The following RCL1 variants were observed in gnomAD, a reference collection of about 807,000 sequenced individuals.
RCL1 encodes the protein RNA terminal phosphate cyclase like 1.
In RCL1, 24 loss-of-function variants were observed where a neutral mutation model predicts 42.4. That is an observed-to-expected ratio of 0.57 (90% CI 0.41 to 0.80). RCL1 has a LOEUF of 0.80. RCL1 is among the 30% of genes least tolerant of loss of function. The pLI, the probability that RCL1 is intolerant of heterozygous loss-of-function variation, is 0.00. For synonymous variants in RCL1, 228 were observed against 177.3 expected (o/e 1.29, Z -2.27); for missense variants, 578 against 467.9 (o/e 1.24, Z -2.17).
intron 1 of RCL1, among the ~76,000 whole-genome samples, chr9:4,796,426 C>T (rs939890234): frequency 3.9e-5 from 6 of 152,168 alleles, no homozygotes; most frequent in Non-Finnish European, 8.8e-5. Context: ...TTTTTTGAGA[C>T]AGAGTCTCAC....
intron 2 of RCL1, among the ~76,000 whole-genome samples, chr9:4,825,645 A>G (rs1816736521): frequency 6.6e-6 from 1 of 152,242 alleles, no homozygotes; most frequent in Non-Finnish European, 1.5e-5. Context: ...GCCAGAGGGC[A>G]TTGCAAAAGA....
At chr9:4,841,394 T>C in intron 6 of RCL1, 37 bp downstream of exon 6, 4 of 1,551,054 alleles carry the variant, frequency 2.6e-6, no homozygotes, top group Non-Finnish European at 3.6e-6. Flanking sequence ...TTTCTGCAGC[T>C]TTTTCACATG....
At chr9:4,829,546 T>G (rs1378509681) in intron 3 of RCL1, among the ~76,000 whole-genome samples, 4 of 152,170 alleles carry the variant, frequency 2.6e-5, no homozygotes, top group Non-Finnish European at 5.9e-5. Flanking sequence ...CAGTTAGAAA[T>G]TATTGTCTGG....
intron 3 of RCL1, among the ~76,000 whole-genome samples, chr9:4,831,725 C>T (rs1433311573): frequency 6.6e-6 from 1 of 152,148 alleles, no homozygotes; most frequent in African/African-American, 2.4e-5. Flanking sequence ...CAGTGGTTTT[C>T]CTAGTTTCCC....
intron 1 of RCL1, among the ~76,000 whole-genome samples, chr9:4,800,294 A>C (rs1587690945): frequency 6.6e-6 from 1 of 150,796 alleles, no homozygotes; most frequent in East Asian, 1.9e-4. Context: ...GGCTCACTGC[A>C]CCCTCCCACT....
chr9:4,837,877 A>G (rs536918558), intron 5 of RCL1, among the ~76,000 whole-genome samples: 5 of 152,224 alleles, frequency 3.3e-5, no homozygotes, highest in East Asian at 3.9e-4. Context: ...ATCATCCCCA[A>G]TATATCTCTG....
At chr9:4,841,188 T>C in intron 5 of RCL1, 44 bp from the exon 6 acceptor site, 1 of 1,612,686 alleles carries the variant, frequency 6.2e-7, no homozygotes, top group Non-Finnish European at 8.5e-7. Flanking sequence ...TTTTTCTCTG[T>C]CCTGGAATTC....
At position 4,827,365 on chromosome 9, in the gene RCL1, G is replaced by A. The variant is rs1816797902; in HGVS notation, c.384+332G>A. ...GAGAGTGGAGTTTTTGTAAGATCCT[G>A]TGGTAGCTGAGGCTGGAGGGCAGCT... is the stretch of plus-strand genomic sequence containing the variant. On this transcript the variant is annotated intron_variant, in intron 3 of 8. Transcript: ENST00000381750. 5 of 958,524 alleles carry A rather than the reference G, an allele frequency of 5.2e-6. No homozygotes were observed. The East Asian group carries it at 1.4e-4, about 27-fold the overall frequency. The allele number at this position is 958,524 out of a possible 1,614,324, so 59.4% of individuals were successfully genotyped here. A position where few individuals can be genotyped will look rare whatever the true frequency, so the allele number is the denominator to read the frequency against.
chr9:4,844,840 T>A (rs757818055), intron 7 of RCL1, among the ~76,000 whole-genome samples, 159 bp downstream of exon 7: 2 of 152,210 alleles, frequency 1.3e-5, no homozygotes, highest in Admixed American at 6.5e-5. Flanking sequence ...TTTAATTGAT[T>A]AGCTCAACCA....
intron 1 of RCL1, among the ~76,000 whole-genome samples, chr9:4,822,132 A>C (rs1001729181): frequency 6.6e-6 from 1 of 152,232 alleles, no homozygotes; most frequent in Non-Finnish European, 1.5e-5. Flanking sequence ...CCTTTGTACA[A>C]ATTGCAGAAT....
chr9:4,832,291 G>C (rs1271996787), intron 3 of RCL1, among the ~76,000 whole-genome samples: 1 of 152,096 alleles, frequency 6.6e-6, no homozygotes, highest in Non-Finnish European at 1.5e-5. Flanking sequence ...CCTGTAGTTT[G>C]AGGCTGTCAT....
In RCL1 at chr9:4,800,411, C is replaced by T. The variant is rs142349327; in HGVS notation, c.136+7184C>T. ...TGTATTTTTAGTAGAGACGGGGTTTCGGCACGTTGGCCAGGCTGGTCTCGA... is the reference window on the plus strand; with the variant it reads ...TGTATTTTTAGTAGAGACGGGGTTTTGGCACGTTGGCCAGGCTGGTCTCGA... On this transcript the variant is annotated intron_variant, in intron 1 of 8. Coordinates refer to ENST00000381750, the MANE Select transcript of RCL1 (RefSeq NM_005772.5). 1.0e-3 allele frequency among the ~76,000 whole-genome samples: 157 copies of T among 151,912 alleles called. 2 individuals carry two copies. The highest frequency in any genetic ancestry group is 3.4e-3 in the African/African-American group (141 of 41,452).
chr9:4,806,800 C>A (rs1200140557), intron 1 of RCL1, among the ~76,000 whole-genome samples: 3 of 151,632 alleles, frequency 2.0e-5, no homozygotes, highest in Non-Finnish European at 4.4e-5. Flanking sequence ...TGGAAAGTTT[C>A]CTGTTTTCTG....
chr9:4,859,085 A>G (rs1228320417), intron 8 of RCL1, among the ~76,000 whole-genome samples: 2 of 152,224 alleles, frequency 1.3e-5, no homozygotes, highest in African/African-American at 4.8e-5. Context: ...TGAACTGTTC[A>G]GGTGAGTCTT....
intron 3 of RCL1, among the ~76,000 whole-genome samples, chr9:4,827,557 T>C (rs1487855694): frequency 2.6e-5 from 4 of 152,170 alleles, no homozygotes; most frequent in African/African-American, 9.7e-5. Flanking sequence ...CTTTGGTAGT[T>C]TGTGGGTGTC....
At chr9:4,829,381 C>T (rs1048206435) in intron 3 of RCL1, among the ~76,000 whole-genome samples, 1 of 152,162 alleles carries the variant, frequency 6.6e-6, no homozygotes, top group Non-Finnish European at 1.5e-5. Flanking sequence ...TTCATGATTT[C>T]TGTCCTGGTT....
In RCL1 at chr9:4,856,965, G is replaced by T. The variant is rs1404292469; in HGVS notation, c.972-3160G>T. Reference sequence around the variant, plus strand: ...GCTCTTAGCACAGAGGGATGGGGATGGGAGGGAAATTCATCAAGGCAGGCT... The same window carrying T: ...GCTCTTAGCACAGAGGGATGGGGATTGGAGGGAAATTCATCAAGGCAGGCT... On this transcript the variant is annotated intron_variant, in intron 8 of 8. Coordinates refer to ENST00000381750, the MANE Select transcript of RCL1 (RefSeq NM_005772.5). 2.0e-5 allele frequency among the ~76,000 whole-genome samples: 3 copies of T among 152,216 alleles called. No homozygotes were observed. The East Asian group carries it at 5.8e-4, about 29-fold the overall frequency.
At chr9:4,846,724 G>T (rs1288237456) in intron 7 of RCL1, among the ~76,000 whole-genome samples, 2 of 152,242 alleles carry the variant, frequency 1.3e-5, no homozygotes, top group Non-Finnish European at 2.9e-5. Flanking sequence ...TAGACCTTGG[G>T]AGAATTAGAA....
intron 1 of RCL1, among the ~76,000 whole-genome samples, chr9:4,810,624 G>C (rs1022578030): frequency 1.4e-5 from 2 of 141,202 alleles, no homozygotes; most frequent in African/African-American, 5.6e-5. Flanking sequence ...GTGATACCAA[G>C]AATATTCTTG....
Sources: allele counts gnomAD v4.1 joint callset (sites outside exome capture counted in the v4.1 genomes callset), GRCh38; gene constraint gnomAD v4.1.1; transcripts MANE v1.5; gene names NCBI Gene and HGNC (gene_info 2026-07-23, HGNC 2026-07-21).